Variants in ABLIM1 observed in about 807,000 individuals in gnomAD.
ABLIM1 encodes the protein actin-binding LIM protein 1.
A neutral mutation model predicts 107.0 loss-of-function variants in ABLIM1; 40 were observed. That is an observed-to-expected ratio of 0.37 (90% CI 0.29 to 0.49). The LOEUF is 0.49. ABLIM1 is among the 20% of genes least tolerant of loss of function. The pLI, the probability that ABLIM1 is intolerant of heterozygous loss-of-function variation, is 0.97. For missense variants in ABLIM1, 857 were observed against 1,008.5 expected, an observed-to-expected ratio of 0.85 and a Z score of 2.04; for synonymous variants, 357 against 357.3, an observed-to-expected ratio of 1.00 and a Z score of 0.01.
At chr10:114,646,231 C>T (rs11196825) in intron 1 of ABLIM1, among the ~76,000 whole-genome samples, 10,739 of 152,172 alleles carry the variant, frequency 0.071, 458 homozygotes, top group South Asian at 0.13. Context: ...ATAACGTATA[C>T]TAAGAGCACT....
chr10:114,718,671 G>A (rs2142022208), intron 1 of ABLIM1, among the ~76,000 whole-genome samples: 1 of 152,292 alleles, frequency 6.6e-6, no homozygotes, highest in East Asian at 1.9e-4. Flanking sequence ...CAGTTTTAAA[G>A]GTGCTCAAGT....
At chr10:114,477,782 G>A (rs2056704161) in intron 8 of ABLIM1, among the ~76,000 whole-genome samples, 1 of 152,150 alleles carries the variant, frequency 6.6e-6, no homozygotes, top group African/African-American at 2.4e-5. Context: ...GGAGTGCAGT[G>A]GCATGATCTT....
intron 1 of ABLIM1, among the ~76,000 whole-genome samples, chr10:114,668,892 C>A (rs923294264): frequency 1.3e-5 from 2 of 152,170 alleles, no homozygotes. Context: ...GGATAGCTTT[C>A]GTAGTATCCA....
intron 1 of ABLIM1, among the ~76,000 whole-genome samples, chr10:114,640,566 A>AC (rs2078698241): frequency 2.0e-5 from 3 of 151,870 alleles, no homozygotes; most frequent in East Asian, 1.9e-4. Context: ...AACAACAACA[A>AC]AAAACAGTTG....
the ABLIM1 span, among the ~76,000 whole-genome samples, chr10:114,781,377 G>A: frequency 2.0e-5 from 3 of 151,972 alleles, no homozygotes; most frequent in Admixed American, 6.6e-5. Flanking sequence ...GGTGGTGCAC[G>A]TCTGTGATCC....
chr10:114,486,970 G>A (rs140627807), intron 8 of ABLIM1, among the ~76,000 whole-genome samples: 109 of 152,248 alleles, frequency 7.2e-4, no homozygotes, highest in East Asian at 2.1e-3. Context: ...TTCCCAGGGC[G>A]GCAGGCAAAG....
intron 1 of ABLIM1, among the ~76,000 whole-genome samples, chr10:114,700,491 A>AACACACAAACAC (rs2081286051): frequency 6.7e-6 from 1 of 148,456 alleles, no homozygotes; most frequent in African/African-American, 2.5e-5. Context: ...AAACAATTAA[A>AACACACAAACAC]ACACACACAC....
At chr10:114,480,308 A>G (rs1565502050) in intron 8 of ABLIM1, among the ~76,000 whole-genome samples, 1 of 152,230 alleles carries the variant, frequency 6.6e-6, no homozygotes, top group South Asian at 2.1e-4. Flanking sequence ...TGAGAGTTAC[A>G]GTAAAAAAAA....
chr10:114,495,249 A>G (rs1169877588), intron 6 of ABLIM1, among the ~76,000 whole-genome samples: 2 of 152,102 alleles, frequency 1.3e-5, no homozygotes, highest in Non-Finnish European at 2.9e-5. Context: ...AAAGACCAAG[A>G]GGAAAAAAAA....
At chr10:114,565,225 A>G (rs2070488450) in intron 4 of ABLIM1, among the ~76,000 whole-genome samples, 1 of 152,212 alleles carries the variant, frequency 6.6e-6, no homozygotes, top group African/African-American at 2.4e-5. Context: ...ATAAAAACTC[A>G]TCACTATGAG....
intron 6 of ABLIM1, among the ~76,000 whole-genome samples, chr10:114,508,089 C>T (rs2061393514): frequency 6.6e-6 from 1 of 152,244 alleles, no homozygotes; most frequent in African/African-American, 2.4e-5. Context: ...AAACCCTTTA[C>T]TGAGCCTTAA....
At chr10:114,528,364 T>C (rs2065087218) in intron 6 of ABLIM1, among the ~76,000 whole-genome samples, 1 of 152,218 alleles carries the variant, frequency 6.6e-6, no homozygotes, top group Non-Finnish European at 1.5e-5. Flanking sequence ...GACCCTTTTA[T>C]ATAGACATGT....
chr10:114,515,475 G>A (rs2062668029), intron 6 of ABLIM1, among the ~76,000 whole-genome samples: 1 of 152,190 alleles, frequency 6.6e-6, no homozygotes, highest in Non-Finnish European at 1.5e-5. Context: ...GAGTTCGTGA[G>A]TGTGAATGAC....
chr10:114,695,063 T>C (rs1463405662), intron 1 of ABLIM1, among the ~76,000 whole-genome samples: 1 of 152,218 alleles, frequency 6.6e-6, no homozygotes, highest in Non-Finnish European at 1.5e-5. Flanking sequence ...TGATGGTATG[T>C]ACTGAGAGTT....
intron 11 of ABLIM1, among the ~76,000 whole-genome samples, chr10:114,466,693 T>C (rs1052829880): frequency 1.3e-5 from 2 of 152,220 alleles, no homozygotes; most frequent in African/African-American, 4.8e-5. Flanking sequence ...AAGTTGATGG[T>C]TGCCATAAAG....
At chr10:114,580,095 C>A (rs558951492) in intron 2 of ABLIM1, among the ~76,000 whole-genome samples, 2 of 151,708 alleles carry the variant, frequency 1.3e-5, no homozygotes, top group Non-Finnish European at 2.9e-5. Flanking sequence ...GTTTTATCAT[C>A]GTGTTGAACC....
chr10:114,455,320 A>G (rs2062607814), intron 12 of ABLIM1, among the ~76,000 whole-genome samples: 1 of 152,220 alleles, frequency 6.6e-6, no homozygotes, highest in African/African-American at 2.4e-5. Context: ...AGACCCAAAT[A>G]TGTTATAATG....
chr10:114,620,415 A>G (rs988903514), intron 1 of ABLIM1, among the ~76,000 whole-genome samples: 1 of 151,192 alleles, frequency 6.6e-6, no homozygotes, highest in African/African-American at 2.4e-5. Context: ...CCCACACAAT[A>G]TTTTTTTTTC....
At chr10:114,523,292 A>G (rs1386652535) in intron 6 of ABLIM1, among the ~76,000 whole-genome samples, 2 of 152,156 alleles carry the variant, frequency 1.3e-5, no homozygotes, top group Admixed American at 6.5e-5. Context: ...TCCAATTTCA[A>G]GACATCTGCC....
Sources: gnomAD v4.1 joint callset for allele counts (sites outside exome capture counted in the v4.1 genomes callset) on GRCh38, gnomAD v4.1.1 for gene constraint, MANE v1.5 for transcripts, NCBI Gene and HGNC (gene_info 2026-07-23, HGNC 2026-07-21) for gene names.